PCDH11X: variants seen among roughly 807,000 people sequenced by gnomAD.
PCDH11X encodes the protein protocadherin 11 X-linked, also known as protocadherin-11 X-linked.
Under a neutral mutation model 53.3 loss-of-function variants are expected in PCDH11X, and 18 were observed. The observed-to-expected ratio is 0.34, with a 90% CI of 0.23 to 0.50. PCDH11X has a LOEUF of 0.50. Ranked by LOEUF, PCDH11X falls within the 20% of genes least tolerant of loss-of-function variation. The probability of loss-of-function intolerance (pLI) is 0.98; values close to 1 mark genes in which losing one functional copy is unlikely to be tolerated. For synonymous variants in PCDH11X, 279 were observed against 393.3 expected (o/e 0.71, Z 3.44); for missense variants, 570 against 1,032.4 (o/e 0.55, Z 6.14).
chrX:92,541,035 T>C (rs1251942485), intron 10 of PCDH11X, among the ~76,000 whole-genome samples: 2 of 111,045 alleles, frequency 1.8e-5, no homozygotes, highest in African/African-American at 6.5e-5. Context: ...AAGCACTCTC[T>C]TAGCTGCCCC....
intron 6 of PCDH11X, among the ~76,000 whole-genome samples, chrX:92,160,991 C>T (rs1379048964): frequency 1.2e-4 from 13 of 111,174 alleles, no homozygotes; most frequent in African/African-American, 3.9e-4. Flanking sequence ...CATGTCTATT[C>T]GTGTCCTTAG....
chrX:92,464,380 C>T (rs760520830), intron 9 of PCDH11X, among the ~76,000 whole-genome samples: 5 of 110,568 alleles, frequency 4.5e-5, no homozygotes, highest in South Asian at 3.8e-4. Context: ...CTTATGATAA[C>T]GAGTGAGTTC....
intron 6 of PCDH11X, among the ~76,000 whole-genome samples, chrX:92,005,143 G>A (rs1340965021): frequency 3.6e-5 from 4 of 110,784 alleles, no homozygotes; most frequent in Non-Finnish European, 7.5e-5. Context: ...CTTTATCCAT[G>A]CAGCTGGTTT....
intron 4 of PCDH11X, among the ~76,000 whole-genome samples, chrX:91,826,355 C>G (rs1316363317): frequency 9.0e-6 from 1 of 111,285 alleles, no homozygotes; most frequent in Non-Finnish European, 1.9e-5. Context: ...GAACCCAGTA[C>G]ATGCTTTTAT....
chrX:92,047,687 T>C (rs1405778208), intron 6 of PCDH11X, among the ~76,000 whole-genome samples: 1 of 110,052 alleles, frequency 9.1e-6, no homozygotes, highest in African/African-American at 3.3e-5. Flanking sequence ...GAGTAAATAG[T>C]TTCCCCATCT....
chrX:92,493,230 A>T (rs1193793328), intron 10 of PCDH11X, among the ~76,000 whole-genome samples: 1 of 109,656 alleles, frequency 9.1e-6, no homozygotes, highest in East Asian at 2.9e-4. Flanking sequence ...TGCAATGGTA[A>T]TTTTTTTTTT....
At chrX:92,355,417 C>CAAAAAGAAA (rs2070175954) in intron 8 of PCDH11X, among the ~76,000 whole-genome samples, 1 of 23,588 alleles carries the variant, frequency 4.2e-5, no homozygotes, top group Admixed American at 6.9e-4. Context: ...GACTCCGTCT[C>CAAAAAGAAA]AAAAAAAAAA....
chrX:92,142,368 GCGCA>G (rs1477141690), intron 6 of PCDH11X, among the ~76,000 whole-genome samples: 1,331 of 75,809 alleles, frequency 0.018, 22 homozygotes, highest in African/African-American at 0.055. Context: ...ATGTGCGCGC[GCGCA>G]CACACACACA....
At chrX:92,178,318 A>G (rs983789451) in intron 6 of PCDH11X, among the ~76,000 whole-genome samples, 2 of 111,706 alleles carry the variant, frequency 1.8e-5, no homozygotes, top group Non-Finnish European at 3.8e-5. Flanking sequence ...GGATGGCTGC[A>G]TTCATTATTT....
At chrX:91,784,047 A>C (rs1236291007) in intron 1 of PCDH11X, among the ~76,000 whole-genome samples, 1 of 112,242 alleles carries the variant, frequency 8.9e-6, no homozygotes, top group African/African-American at 3.2e-5. Flanking sequence ...TGTACAGAAT[A>C]AGTAAGGAAG....
chrX:91,910,178 GCTA>G (rs1487916207), intron 6 of PCDH11X, among the ~76,000 whole-genome samples: 1 of 106,761 alleles, frequency 9.4e-6, no homozygotes, highest in Non-Finnish European at 1.9e-5. Context: ...TGAAAGGATT[GCTA>G]ATAAGCATCT....
intron 9 of PCDH11X, among the ~76,000 whole-genome samples, chrX:92,451,198 G>A (rs770168887): frequency 3.6e-5 from 4 of 111,122 alleles, no homozygotes; most frequent in Non-Finnish European, 7.6e-5. Context: ...ACTGCTACAC[G>A]ACAGCAACCC....
At chrX:91,960,351 T>A (rs2061769948) in intron 6 of PCDH11X, among the ~76,000 whole-genome samples, 2 of 111,407 alleles carry the variant, frequency 1.8e-5, no homozygotes, top group African/African-American at 6.5e-5. Flanking sequence ...CCAAAACCAA[T>A]GTCAAGGAAC....
chrX:92,267,590 A>T (rs2067861293), intron 8 of PCDH11X, among the ~76,000 whole-genome samples: 1 of 112,029 alleles, frequency 8.9e-6, no homozygotes, highest in African/African-American at 3.2e-5. Flanking sequence ...TCTCCAAGGT[A>T]TTGCTTCATT....
chrX:91,927,519 A>C (rs1317874812), intron 6 of PCDH11X, among the ~76,000 whole-genome samples: 1 of 110,780 alleles, frequency 9.0e-6, no homozygotes. Context: ...ATTAAACTAT[A>C]AAGCCTTTTA....
intron 7 of PCDH11X, among the ~76,000 whole-genome samples, chrX:92,262,513 A>T (rs1242598089): frequency 1.8e-5 from 2 of 111,679 alleles, no homozygotes; most frequent in Non-Finnish European, 3.8e-5. Flanking sequence ...AGTCTTAAAT[A>T]AAATGAAAAG....
chrX:92,560,731 C>A (rs2148761670), intron 10 of PCDH11X, among the ~76,000 whole-genome samples: 2 of 105,596 alleles, frequency 1.9e-5, no homozygotes, highest in Admixed American at 2.1e-4. Context: ...TGTAGAAGGA[C>A]TTTGTTTTCT....
At chrX:91,929,122 A>C (rs1684122796) in intron 6 of PCDH11X, among the ~76,000 whole-genome samples, 1 of 111,436 alleles carries the variant, frequency 9.0e-6, no homozygotes, top group African/African-American at 3.3e-5. Flanking sequence ...AAATGAAGTA[A>C]TAAATTTAAA....
chrX:91,780,741 C>A (rs1334803445), intron 1 of PCDH11X, among the ~76,000 whole-genome samples: 2 of 112,624 alleles, frequency 1.8e-5, no homozygotes. Context: ...AGCGAGCAGC[C>A]GCAAACGGGT....
Sources: gnomAD v4.1 joint callset for allele counts (sites outside exome capture counted in the v4.1 genomes callset) on GRCh38, gnomAD v4.1.1 for gene constraint, MANE v1.5 for transcripts, NCBI Gene and HGNC (gene_info 2026-07-23, HGNC 2026-07-21) for gene names.